Variants in SORCS1 observed in about 807,000 individuals in gnomAD.
SORCS1 encodes the protein sortilin related VPS10 domain containing receptor 1.
Under a neutral mutation model 146.1 loss-of-function variants are expected in SORCS1, and 60 were observed. The ratio of observed to expected loss-of-function variants is 0.41; its 90% CI spans 0.33 to 0.51. SORCS1 has a LOEUF of 0.51. Among genes scored for constraint, SORCS1 ranks in the 20% least tolerant of loss-of-function variants. SORCS1 has a pLI of 0.21. For missense variants in SORCS1, 1,352 were observed against 1,487.6 expected (o/e 0.91, Z 1.50); for synonymous variants, 637 against 584.0 (o/e 1.09, Z -1.31).
chr10:106,968,220 A>G (rs1002220732), intron 1 of SORCS1, among the ~76,000 whole-genome samples: 4 of 151,518 alleles, frequency 2.6e-5, no homozygotes, highest in African/African-American at 7.3e-5. Context: ...AAAAAAAAAG[A>G]GAAAAGATGT....
chr10:106,937,019 G>A (rs748441293), intron 2 of SORCS1, among the ~76,000 whole-genome samples: 1 of 152,096 alleles, frequency 6.6e-6, no homozygotes, highest in Non-Finnish European at 1.5e-5. Flanking sequence ...CAGATGATAC[G>A]GTTTGGCTGT....
chr10:106,801,416 G>A (rs1946866071), intron 3 of SORCS1, among the ~76,000 whole-genome samples: 2 of 151,280 alleles, frequency 1.3e-5, no homozygotes, highest in Admixed American at 1.3e-4. Context: ...CACAGTAATA[G>A]CAAACATTTA....
chr10:106,706,451 A>G (rs1445392611), intron 8 of SORCS1, 94 bp downstream of exon 8: 1 of 1,205,496 alleles, frequency 8.3e-7, no homozygotes, highest in Middle Eastern at 1.9e-4. Context: ...AAACATGACT[A>G]TGAGAGGCTG....
intron 24 of SORCS1, among the ~76,000 whole-genome samples, chr10:106,596,697 A>G: frequency 6.6e-6 from 1 of 152,218 alleles, no homozygotes; most frequent in East Asian, 1.9e-4. Flanking sequence ...ACGTAAAGAA[A>G]GAAAATTCTT....
At chr10:106,727,030 G>T (rs1033259292) in intron 6 of SORCS1, among the ~76,000 whole-genome samples, 1 of 151,074 alleles carries the variant, frequency 6.6e-6, no homozygotes, top group African/African-American at 2.4e-5. Flanking sequence ...AGCTTGCAGT[G>T]AGCCGAGATA....
At chr10:106,995,899 A>G (rs1956975372) in intron 1 of SORCS1, among the ~76,000 whole-genome samples, 1 of 152,056 alleles carries the variant, frequency 6.6e-6, no homozygotes, top group Admixed American at 6.6e-5. Flanking sequence ...GTCAAAGGAG[A>G]AGTTCAAAAA....
chr10:107,167,304 G>A (rs922119155), upstream of SORCS1, among the ~76,000 whole-genome samples: 9 of 152,088 alleles, frequency 5.9e-5, no homozygotes, highest in South Asian at 1.2e-3. Context: ...ATCATGGAGG[G>A]GAGTCTATTT....
Position 106,814,792 on chromosome 10 carries a change from G to A in SORCS1, c.726+14782C>T, listed in dbSNP as rs535833890. ...TAGCCAGGCGTGGTGGTGGGCGCCT[G>A]TAGTCCCAGCTACTTGGAAGGCTGA... On this transcript the variant is annotated intron_variant, in intron 3 of 25. Transcript: ENST00000263054. Among the ~76,000 whole-genome samples the A allele has an allele frequency of 1.5e-4, 23 of 151,248 alleles. No homozygotes were observed. In the East Asian group the frequency reaches 4.4e-3, roughly 29 times the overall value.
At chr10:106,853,415 A>G (rs888442645) in intron 2 of SORCS1, among the ~76,000 whole-genome samples, 3 of 151,318 alleles carry the variant, frequency 2.0e-5, no homozygotes, top group African/African-American at 7.3e-5. Flanking sequence ...TTTTTTCCAA[A>G]AAAACAGGTT....
chr10:106,666,677 C>T (rs996907595), intron 17 of SORCS1, among the ~76,000 whole-genome samples: 2 of 151,932 alleles, frequency 1.3e-5, no homozygotes, highest in African/African-American at 4.8e-5. Context: ...CTGCCTCAGC[C>T]TCCTGAGTGT....
At chr10:107,157,104 C>A (rs1318014314) in intron 1 of SORCS1, among the ~76,000 whole-genome samples, 1 of 152,214 alleles carries the variant, frequency 6.6e-6, no homozygotes, top group Non-Finnish European at 1.5e-5. Context: ...CTTCTTCCCA[C>A]AATGGAAAAC....
chr10:106,726,814 C>T (rs542158553), intron 6 of SORCS1, among the ~76,000 whole-genome samples: 4 of 152,100 alleles, frequency 2.6e-5, no homozygotes, highest in African/African-American at 4.8e-5. Context: ...CGGCCGGGTG[C>T]GGTGGCTCAC....
At chr10:107,095,362 G>T (rs560635874) in intron 1 of SORCS1, among the ~76,000 whole-genome samples, 1 of 152,102 alleles carries the variant, frequency 6.6e-6, no homozygotes, top group African/African-American at 2.4e-5. Context: ...GCAAACAACC[G>T]AAGGGTACAC....
intron 1 of SORCS1, among the ~76,000 whole-genome samples, chr10:107,026,221 G>A (rs1056803587): frequency 6.6e-6 from 1 of 152,190 alleles, no homozygotes. Flanking sequence ...TGTTCACCTG[G>A]ATTTCTTTAG....
At chr10:106,713,009 T>A (rs1206254812) in intron 6 of SORCS1, among the ~76,000 whole-genome samples, 1 of 152,188 alleles carries the variant, frequency 6.6e-6, no homozygotes, top group African/African-American at 2.4e-5. Flanking sequence ...TACTGGTACA[T>A]GAGAAGTGAG....
chr10:106,789,256 G>A (rs936194486), intron 3 of SORCS1, among the ~76,000 whole-genome samples: 1 of 152,196 alleles, frequency 6.6e-6, no homozygotes. Context: ...GAAGTTCTCT[G>A]ACATGCCCTG....
chr10:106,754,574 G>A (rs1858495143), intron 5 of SORCS1, among the ~76,000 whole-genome samples: 1 of 152,144 alleles, frequency 6.6e-6, no homozygotes, highest in Non-Finnish European at 1.5e-5. Context: ...CTTAGCACAA[G>A]GCTTGGCACA....
intron 2 of SORCS1, among the ~76,000 whole-genome samples, chr10:106,917,321 C>A (rs1033182300): frequency 1.3e-5 from 2 of 152,140 alleles, no homozygotes; most frequent in Admixed American, 1.3e-4. Context: ...GTAATTAATA[C>A]CCAAACCTTG....
rs186821557 is a variant in SORCS1 at position 106,575,990 on chromosome 10, C to T, written c.*1430G>A. ...AAGAATCTTCTGGAATCAGATCGCA[C>T]GAGATTTTCGTTAAGGTGTGAGAAC... On this transcript the variant is annotated 3_prime_UTR_variant, in exon 26 of 26. Transcript: ENST00000263054. 2.0e-4 allele frequency: 31 copies of T among 152,648 alleles called. No individual in the cohort carries two copies. Among genetic ancestry groups the T allele is most frequent in the Middle Eastern group, 3.4e-3 (1 of 294 alleles). The allele number at this position is 152,648 out of a possible 1,614,324, so 9.5% of individuals were successfully genotyped here.
Sources: gnomAD v4.1 joint callset for allele counts (sites outside exome capture counted in the v4.1 genomes callset) on GRCh38, gnomAD v4.1.1 for gene constraint, MANE v1.5 for transcripts, NCBI Gene and HGNC (gene_info 2026-07-23, HGNC 2026-07-21) for gene names.